Variants in AACS observed in about 807,000 individuals in gnomAD.
AACS encodes the protein acetoacetyl-CoA synthetase, also known as acetoacetate-CoA ligase.
In AACS, 69 loss-of-function variants were observed where a neutral mutation model predicts 83.1. The observed-to-expected ratio is 0.83, with a 90% confidence interval of 0.68 to 1.01. AACS has a LOEUF of 1.01. AACS is among the 50% of genes least tolerant of loss of function. AACS has a pLI of 0.00. For synonymous variants in AACS, 333 were observed against 343.4 expected, an observed-to-expected ratio of 0.97 and a Z score of 0.33; for missense variants, 866 against 882.2, an observed-to-expected ratio of 0.98 and a Z score of 0.23.
intron 14 of AACS, 112 bp from the exon 15 acceptor site, chr12:125,133,891 A>ACCTG: frequency 9.4e-7 from 1 of 1,061,838 alleles, no homozygotes; most frequent in South Asian, 1.4e-5. Context: ...CCCATGCCAG[A>ACCTG]CCTGCCTCTG....
chr12:125,129,829 G>A lies in AACS; in HGVS notation c.1549+369G>A, dbSNP rs909733524. Reference sequence around the variant, plus strand: ...GCCTGTTCACGAGGAGTGGCATGTGGAAGTGGCGTCTGGCTCGGGTCTCTT... The same window carrying A: ...GCCTGTTCACGAGGAGTGGCATGTGAAAGTGGCGTCTGGCTCGGGTCTCTT... On this transcript the variant is annotated intron_variant, in intron 14 of 17. Transcript: ENST00000316519. The surrounding 1 kb of genome is among the most constrained non-coding windows in gnomAD (Gnocchi z 4.3). 1.3e-5 allele frequency among the ~76,000 whole-genome samples: 2 copies of A among 152,166 alleles called. No homozygotes were observed. The highest frequency in any genetic ancestry group is 4.8e-5 in the African/African-American group (2 of 41,438).
chr12:125,095,527 T>G (rs1956588510), intron 5 of AACS, among the ~76,000 whole-genome samples: 1 of 152,166 alleles, frequency 6.6e-6, no homozygotes, highest in Admixed American at 6.5e-5. Flanking sequence ...CCAGGCTGGC[T>G]CTCTCTGTTT....
chr12:125,123,760 C>A (rs1354771085), intron 10 of AACS: 3 of 152,214 alleles, frequency 2.0e-5, no homozygotes, highest in African/African-American at 7.2e-5. Flanking sequence ...CTCCTCTAGG[C>A]CCCGAAGAGA....
At chr12:125,124,823 A>G in intron 11 of AACS, 54 bp downstream of exon 11, 1 of 1,614,100 alleles carries the variant, frequency 6.2e-7, no homozygotes, top group Non-Finnish European at 8.5e-7. Flanking sequence ...AGGAAATTAA[A>G]TCCATCCTAT....
At position 125,129,303 on chromosome 12, in the gene AACS, T is replaced by C. The variant is rs749557725; in HGVS notation, c.1424-32T>C. ...AGCCAGGGTGTGTGGCTGTGGTGTGTGTTGGGCTTATTTTTAATTCTCCCA... is the reference window on the plus strand; with the variant it reads ...AGCCAGGGTGTGTGGCTGTGGTGTGCGTTGGGCTTATTTTTAATTCTCCCA... On this transcript the variant is annotated intron_variant, in intron 13 of 17. Transcript: ENST00000316519. The surrounding 1 kb of genome is among the most constrained non-coding windows in gnomAD (Gnocchi z 4.3). The C allele has an allele frequency of 2.0e-5, 32 of 1,600,374 alleles. No homozygotes were observed. Among genetic ancestry groups the C allele is most frequent in the Non-Finnish European group, 2.6e-5 (30 of 1,174,334 alleles).
chr12:125,089,285 C>T (rs937546464), intron 4 of AACS, among the ~76,000 whole-genome samples: 10 of 152,252 alleles, frequency 6.6e-5, no homozygotes, highest in South Asian at 4.1e-4. Context: ...AGGGGAGTCG[C>T]GTGTGAATCC....
Position 125,129,489 on chromosome 12 carries a change from G to A in AACS, c.1549+29G>A, listed in dbSNP as rs760902358. On this transcript the variant is annotated intron_variant, in intron 14 of 17. Coordinates refer to ENST00000316519, the MANE Select transcript of AACS (RefSeq NM_023928.5). The surrounding 1 kb of genome is among the most constrained non-coding windows in gnomAD (Gnocchi z 4.3). ...GGTTGGAGAGATGCAGACAGAGCTG[G>A]CCAGCCTCTGCCTTGGCTGGGCCTT... 1.2e-6 allele frequency: 2 copies of A among 1,603,218 alleles called. No individual in the cohort carries two copies. The highest frequency in any genetic ancestry group is 1.7e-6 in the Non-Finnish European group (2 of 1,175,350).
chr12:125,104,101 G>C lies in AACS; in HGVS notation c.767+1020G>C, dbSNP rs115747684. On this transcript the variant is annotated intron_variant, in intron 7 of 17. Coordinates refer to ENST00000316519, the MANE Select transcript of AACS (RefSeq NM_023928.5). ...AAGCTGAATTCTTCCCAAAGTTCTT[G>C]GAGTTATACCTTCCTTTAATTTTTC... is the stretch of plus-strand genomic sequence containing the variant. Among the ~76,000 whole-genome samples, 1,118 of 148,330 alleles carry C rather than the reference G, an allele frequency of 7.5e-3. 15 individuals are homozygous for C. The highest frequency in any genetic ancestry group is 0.026 in the African/African-American group (1,064 of 40,720).
intron 3 of AACS, among the ~76,000 whole-genome samples, chr12:125,083,384 G>A (rs1355922060): frequency 1.3e-5 from 2 of 152,038 alleles, no homozygotes; most frequent in African/African-American, 2.4e-5. Context: ...GTAACCCATC[G>A]ATTCCCCAGG....
chr12:125,066,318 T>C (rs2136020741), intron 1 of AACS, among the ~76,000 whole-genome samples: 1 of 151,786 alleles, frequency 6.6e-6, no homozygotes, highest in East Asian at 2.0e-4. Flanking sequence ...AAACTGCCTC[T>C]CTCGGTGCGG....
In AACS at chr12:125,072,918, TG is replaced by T. The variant is rs140606531; in HGVS notation, c.134-957del. ...GGGAGACCTTTTACCATGTAACTTT[TG>T]TTTTTTTTTTTTTTTTTTTTTTTTT... On this transcript the variant is annotated intron_variant, in intron 1 of 17. Transcript: ENST00000316519. 3.6e-3 allele frequency among the ~76,000 whole-genome samples: 408 copies of T among 112,504 alleles called. 5 individuals are homozygous for T. The highest frequency in any genetic ancestry group is 0.012 in the African/African-American group (385 of 31,826). The allele number at this position is 112,504 out of a possible 152,430, so 73.8% of individuals were successfully genotyped here. A position where few individuals can be genotyped will look rare whatever the true frequency, so the allele number is the denominator to read the frequency against.
chr12:125,123,017 T>C (rs1208204790), intron 10 of AACS: 3 of 152,260 alleles, frequency 2.0e-5, no homozygotes, highest in African/African-American at 7.2e-5. Context: ...CTTTGCCGTT[T>C]CTTCAGACAA....
At chr12:125,115,683 C>T (rs796153698) in intron 9 of AACS, among the ~76,000 whole-genome samples, 16 of 152,200 alleles carry the variant, frequency 1.1e-4, no homozygotes, top group African/African-American at 3.9e-4. Flanking sequence ...GGACAACCCC[C>T]CCACCCCAGT....
intron 4 of AACS, 69 bp from the exon 5 acceptor site, chr12:125,091,357 A>T: frequency 6.6e-7 from 1 of 1,520,662 alleles, no homozygotes; most frequent in Non-Finnish European, 9.1e-7. Context: ...CTCTCAGAGA[A>T]ACCTTTTGGA....
In AACS at chr12:125,142,201, G is replaced by A. The variant is rs146784734; in HGVS notation, c.1991G>A (p.Arg664Gln). ...AACCCCGAGACCCTGGATCTGTACC[G>A]GGACATCCCTGAGCTGCAGGGCTTC... ...FSNPETLDLY[R>Q]DIPELQGF is the part of the protein sequence containing the mutation. Residue 664 changes from arginine (R) to glutamine (Q), a missense_variant, in exon 18 of 18, where the codon CGG becomes CAG. Transcript: ENST00000316519. 3.2e-5 allele frequency: 51 copies of A among 1,614,104 alleles called. No individual in the cohort carries two copies. In the African/African-American group the frequency reaches 4.0e-4, roughly 13 times the overall value.
intron 1 of AACS, among the ~76,000 whole-genome samples, chr12:125,068,528 T>C (rs1197379905): frequency 1.3e-5 from 2 of 152,182 alleles, no homozygotes; most frequent in Non-Finnish European, 2.9e-5. Context: ...CCAAGGCCTG[T>C]CATGCTGGGT....
chr12:125,109,574 A>C (rs1956906822), intron 8 of AACS, among the ~76,000 whole-genome samples: 1 of 152,208 alleles, frequency 6.6e-6, no homozygotes, highest in Non-Finnish European at 1.5e-5. Context: ...CGTATCTCCC[A>C]AGAACAGGAG....
intron 5 of AACS, among the ~76,000 whole-genome samples, chr12:125,098,140 C>T (rs1956650805): frequency 6.6e-6 from 1 of 152,046 alleles, no homozygotes; most frequent in Non-Finnish European, 1.5e-5. Flanking sequence ...ATTAAATATT[C>T]TTTAGAGGGC....
intron 3 of AACS, among the ~76,000 whole-genome samples, chr12:125,085,377 G>T (rs929713553): frequency 1.3e-5 from 2 of 152,002 alleles, no homozygotes; most frequent in African/African-American, 4.8e-5. Flanking sequence ...CGTGCACGTT[G>T]CATCCACATC....
Sources: gnomAD v4.1 joint callset for allele counts (sites outside exome capture counted in the v4.1 genomes callset) on GRCh38, gnomAD v4.1.1 for gene constraint, Gnocchi (gnomAD v3.1) non-coding constraint, MANE v1.5 for transcripts, NCBI Gene and HGNC (gene_info 2026-07-23, HGNC 2026-07-21) for gene names.